The following KLF2 variants were observed in gnomAD, a reference collection of about 807,000 sequenced individuals.
The protein encoded by KLF2 is Krueppel-like factor 2.
A neutral mutation model predicts 22.2 loss-of-function variants in KLF2; 9 were observed. The observed-to-expected ratio is 0.40, with a 90% CI of 0.24 to 0.71. The LOEUF (loss-of-function observed/expected upper bound fraction) is 0.71, where lower values mean the gene tolerates loss of function less well. Ranked by LOEUF, KLF2 falls within the 30% of genes least tolerant of loss-of-function variation. KLF2 has a pLI of 0.35. For synonymous variants in KLF2, 299 were observed against 264.2 expected, an observed-to-expected ratio of 1.13 and a Z score of -1.28; for missense variants, 481 against 542.1, an observed-to-expected ratio of 0.89 and a Z score of 1.12.
chr19:16,328,685 C>T lies in KLF2; in HGVS notation c.*1654C>T, dbSNP rs1240405239. Among the ~76,000 whole-genome samples, 1 of 152,122 alleles carries T rather than the reference C, an allele frequency of 6.6e-6. No homozygotes were observed. The highest frequency in any genetic ancestry group is 1.5e-5 in the Non-Finnish European group (1 of 68,032). Reference sequence around the variant, plus strand: ...AGAGTAAATAGCCTGGCCTCACTTCCGCTGCTGATGAAGGGTGTGAATGTT... The same window carrying T: ...AGAGTAAATAGCCTGGCCTCACTTCTGCTGCTGATGAAGGGTGTGAATGTT... On this transcript the variant is annotated 3_prime_UTR_variant, in exon 3 of 3. Transcript: ENST00000248071.
intron 1 of KLF2, 70 bp downstream of exon 1, chr19:16,325,068 T>G: frequency 7.1e-7 from 1 of 1,406,636 alleles, no homozygotes. Flanking sequence ...GAACGTGGGC[T>G]GCGGGGTGAC....
Position 16,327,137 on chromosome 19 carries a change from C to G in KLF2, c.*106C>G, listed in dbSNP as rs1271795587. The G allele has an allele frequency of 2.6e-6, 3 of 1,136,454 alleles. No homozygotes were observed. In the African/African-American group the frequency reaches 4.8e-5, roughly 18 times the overall value. 70.4% of individuals were successfully genotyped at this position (1,136,454 alleles called of 1,614,324 possible). A position where few individuals can be genotyped will look rare whatever the true frequency, so the allele number is the denominator to read the frequency against. On this transcript the variant is annotated 3_prime_UTR_variant, in exon 3 of 3. Transcript: ENST00000248071. Reference sequence around the variant, plus strand: ...TATTTATTGGACCCAGAGAACCGGGCCGGGCACAGCGTGGCTACAGAGGGT... The same window carrying G: ...TATTTATTGGACCCAGAGAACCGGGGCGGGCACAGCGTGGCTACAGAGGGT...
chr19:16,325,824 C>T lies in KLF2; in HGVS notation c.684C>T (p.Ala228=), dbSNP rs368173304. The change falls in exon 2 of 3, where the codon GCC becomes GCT. Residue 228 remains alanine, a synonymous_variant. Transcript: ENST00000248071. The part of the protein sequence containing the change: ...AFGLFDDAAA[A]AAALGLAPPA... ...GTCTCTTCGACGACGCGGCCGCCGC[C>T]GCGGCAGCCCTGGGCCTGGCGCCCC... 3 of 1,356,676 alleles carry T rather than the reference C, an allele frequency of 2.2e-6. No homozygotes were observed. 84.0% of individuals were successfully genotyped at this position (1,356,676 alleles called of 1,614,324 possible).
In KLF2 at chr19:16,325,164, G is replaced by A. The variant is rs45595636; in HGVS notation, c.76-52G>A. On this transcript the variant is annotated intron_variant, in intron 1 of 2. Coordinates refer to ENST00000248071, the MANE Select transcript of KLF2 (RefSeq NM_016270.4). ...GACTTAGGGTGGTAAAAGGCAAGCA[G>A]CGCCCCCCGAGCCCCGCCGCCCGCT... 2,527 of 1,393,840 alleles carry A rather than the reference G, an allele frequency of 1.8e-3. 40 individuals carry two copies. The African/African-American group carries it at 0.034, about 19-fold the overall frequency. The allele number at this position is 1,393,840 out of a possible 1,614,324, so 86.3% of individuals were successfully genotyped here.
rs1304814861 is a variant in KLF2, at chr19:16,327,619, C to A, written c.*588C>A. The A allele has an allele frequency of 6.6e-6, 1 of 151,326 alleles. No homozygotes were observed. The highest frequency in any genetic ancestry group is 1.5e-5 in the Non-Finnish European group (1 of 67,892). 9.4% of individuals were successfully genotyped at this position (151,326 alleles called of 1,614,324 possible). On this transcript the variant is annotated 3_prime_UTR_variant, in exon 3 of 3. Transcript: ENST00000248071. ...AGCGGAGAGTTTGATGGAGGGCAGC[C>A]CCACTAAAGCATCGTGTGCAGTGGG...
Position 16,327,220 on chromosome 19 carries a change from GCCCGGTGGGAA to G in KLF2, c.*190_*200del. The G allele has an allele frequency of 1.9e-6, 1 of 540,508 alleles. No homozygotes were observed. The allele number at this position is 540,508 out of a possible 1,614,324, so 33.5% of individuals were successfully genotyped here. Reference sequence around the variant, plus strand: ...CCCCAGCCCCCGTCTGTGACTGAAGGCCCGGTGGGAAAAGACCACGATCCTCCTTGACGAGT... The same window carrying G: ...CCCCAGCCCCCGTCTGTGACTGAAGGAAGACCACGATCCTCCTTGACGAGT... On this transcript the variant is annotated 3_prime_UTR_variant, in exon 3 of 3. Coordinates refer to ENST00000248071, the MANE Select transcript of KLF2 (RefSeq NM_016270.4).
chr19:16,327,263 T>G lies in KLF2; in HGVS notation c.*232T>G. The G allele has an allele frequency of 6.7e-6, 3 of 448,156 alleles. No homozygotes were observed. Among genetic ancestry groups the G allele is most frequent in the East Asian group, 3.8e-5 (1 of 26,508 alleles). 27.8% of individuals were successfully genotyped at this position (448,156 alleles called of 1,614,324 possible). On this transcript the variant is annotated 3_prime_UTR_variant, in exon 3 of 3. Coordinates refer to ENST00000248071, the MANE Select transcript of KLF2 (RefSeq NM_016270.4). ...ACGATCCTCCTTGACGAGTTTTGTT[T>G]TTCAAAATGGTGCAATAATTTAAGT...
At chr19:16,326,718 A>G (rs2091891262) in intron 2 of KLF2, 138 bp from the exon 3 acceptor site, 1 of 829,752 alleles carries the variant, frequency 1.2e-6, no homozygotes, top group Admixed American at 2.7e-5. Context: ...ATGTAGGGCA[A>G]GGATCCCTCA....
chr19:16,325,368 C>A lies in KLF2; in HGVS notation c.228C>A (p.Pro76=), dbSNP rs2145196100. 11 of 1,436,400 alleles carry A rather than the reference C, an allele frequency of 7.7e-6. No individual in the cohort carries two copies. Among genetic ancestry groups the A allele is most frequent in the Non-Finnish European group, 9.9e-6 (11 of 1,106,118 alleles). 89.0% of individuals were successfully genotyped at this position (1,436,400 alleles called of 1,614,324 possible). ...PPPPPPAFYY[P]EPGAPPPYSA... ...CCCCGCCGCCTGCGTTCTATTACCC[C>A]GAACCCGGCGCGCCCCCGCCCTACA... Residue 76 remains proline (P), a synonymous_variant, in exon 2 of 3, where the codon CCC becomes CCA. Coordinates refer to ENST00000248071, the MANE Select transcript of KLF2 (RefSeq NM_016270.4).
At position 16,326,907 on chromosome 19, in the gene KLF2, G is replaced by A; in HGVS notation, c.944G>A (p.Arg315His). 6.2e-7 allele frequency: 1 copy of A among 1,613,024 alleles called. No homozygotes were observed. The highest frequency in any genetic ancestry group is 8.5e-7 in the Non-Finnish European group (1 of 1,179,946). The change falls in exon 3 of 3, where the codon CGC becomes CAC. Residue 315 changes from arginine (R) to histidine (H), a missense_variant. Around this residue, in one of 2 missense-constraint regions of KLF2, gnomAD observed 60 missense variants for 107.0 expected, o/e 0.56. Coordinates refer to ENST00000248071, the MANE Select transcript of KLF2 (RefSeq NM_016270.4). ...NWDGCGWKFA[R>H]SDELTRHYRK... ...GACGGCTGCGGCTGGAAGTTTGCGC[G>A]CTCAGACGAGCTCACGCGCCACTAC...
In KLF2 at chr19:16,325,321, G is replaced by T. The variant is rs750465917; in HGVS notation, c.181G>T (p.Ala61Ser). ...GCTGGATGGCCTGGGCGCCGAGGCCGCCCCGGAGCCGCCGCCGCCGCCCCC... is the reference window on the plus strand; with the variant it reads ...GCTGGATGGCCTGGGCGCCGAGGCCTCCCCGGAGCCGCCGCCGCCGCCCCC... ...MGLDGLGAEA[A>S]PEPPPPPPPP... Residue 61 changes from alanine to serine, a missense_variant, in exon 2 of 3, where the codon GCC becomes TCC. Physicochemically the swap from Ala to Ser is moderately conservative, Grantham distance 99 (BLOSUM62 1). Transcript: ENST00000248071. 6.1e-6 allele frequency: 9 copies of T among 1,482,138 alleles called. No homozygotes were observed. The highest frequency in any genetic ancestry group is 2.0e-4 in the Middle Eastern group (1 of 5,110). The allele number at this position is 1,482,138 out of a possible 1,614,324, so 91.8% of individuals were successfully genotyped here.
chr19:16,325,547 G>A lies in KLF2; in HGVS notation c.407G>A (p.Cys136Tyr). Residue 136 changes from cysteine to tyrosine, a missense_variant, in exon 2 of 3, where the codon TGC (cysteine) becomes TAC (tyrosine). Physicochemically the swap from Cys to Tyr is radical, Grantham distance 194. Transcript: ENST00000248071. ...PEADGGGGYG[C>Y]APGLTRGPRG... ...GCGGACGGCGGCGGCGGCTACGGCTGCGCCCCCGGGCTGACCCGTGGACCG... is the reference window on the plus strand; with the variant it reads ...GCGGACGGCGGCGGCGGCTACGGCTACGCCCCCGGGCTGACCCGTGGACCG... 1.6e-6 allele frequency: 2 copies of A among 1,241,580 alleles called. No individual in the cohort carries two copies. The highest frequency in any genetic ancestry group is 2.0e-6 in the Non-Finnish European group (2 of 993,546). The allele number at this position is 1,241,580 out of a possible 1,614,324, so 76.9% of individuals were successfully genotyped here. A position where few individuals can be genotyped will look rare whatever the true frequency, so the allele number is the denominator to read the frequency against.
chr19:16,325,303 G>A lies in KLF2; in HGVS notation c.163G>A (p.Gly55Ser). 1 of 1,504,308 alleles carries A rather than the reference G, an allele frequency of 6.6e-7. No individual in the cohort carries two copies. Among genetic ancestry groups the A allele is most frequent in the South Asian group, 1.2e-5 (1 of 80,020 alleles). The allele number at this position is 1,504,308 out of a possible 1,614,324, so 93.2% of individuals were successfully genotyped here. Residue 55 changes from glycine (G) to serine (S), a missense_variant, in exon 2 of 3, where the codon GGC (glycine) becomes AGC (serine). Coordinates refer to ENST00000248071, the MANE Select transcript of KLF2 (RefSeq NM_016270.4). ...CTTCATCCTGTCCATGGGGCTGGAT[G>A]GCCTGGGCGCCGAGGCCGCCCCGGA... ...LDFILSMGLD[G>S]LGAEAAPEPP...
chr19:16,325,716 C>T lies in KLF2; in HGVS notation c.576C>T (p.Ser192=), dbSNP rs2145196563. Residue 192 remains serine (S), a synonymous_variant, in exon 2 of 3, where the codon TCC becomes TCT. Transcript: ENST00000248071. ...ARLPAPGPRA[S]FPPPFGGPGF... is the part of the protein sequence containing the mutation. Reference sequence around the variant, plus strand: ...TGCCCGCGCCCGGTCCGCGCGCCTCCTTCCCGCCGCCTTTCGGTGGCCCTG... The same window carrying T: ...TGCCCGCGCCCGGTCCGCGCGCCTCTTTCCCGCCGCCTTTCGGTGGCCCTG... The T allele has an allele frequency of 3.4e-6, 4 of 1,190,438 alleles. No homozygotes were observed. Among genetic ancestry groups the T allele is most frequent in the East Asian group, 3.8e-5 (1 of 26,592 alleles). 73.7% of individuals were successfully genotyped at this position (1,190,438 alleles called of 1,614,324 possible).
In KLF2 at chr19:16,325,857, C is replaced by T. The variant is rs756979798; in HGVS notation, c.717C>T (p.Ala239=). The stretch of plus-strand genomic sequence containing the variant: ...CCCTGGGCCTGGCGCCCCCCGCCGC[C>T]CGCGGTCTCCTCACGCCGCCTGCGT... ...AAALGLAPPA[A]RGLLTPPASP... The change falls in exon 2 of 3, where the codon GCC becomes GCT. Residue 239 remains alanine (A), a synonymous_variant. Transcript: ENST00000248071. The T allele has an allele frequency of 2.1e-6, 3 of 1,425,026 alleles. No homozygotes were observed. Among genetic ancestry groups the T allele is most frequent in the South Asian group, 1.5e-5 (1 of 68,946 alleles). 88.3% of individuals were successfully genotyped at this position (1,425,026 alleles called of 1,614,324 possible).
rs1249511753 is a variant in KLF2, at chr19:16,325,809, C to G, written c.669C>G (p.Asp223Glu). 3.0e-6 allele frequency: 4 copies of G among 1,349,694 alleles called. No homozygotes were observed. Among genetic ancestry groups the G allele is most frequent in the Admixed American group, 3.9e-5 (1 of 25,796 alleles). The allele number at this position is 1,349,694 out of a possible 1,614,324, so 83.6% of individuals were successfully genotyped here. Residue 223 changes from aspartate (D) to glutamate (E), a missense_variant, in exon 2 of 3, where the codon GAC becomes GAG. Physicochemically the swap from Asp to Glu is conservative, Grantham distance 45 (BLOSUM62 2). This residue lies in a region of KLF2 where 421 missense variants were observed against 435.1 expected (regional missense o/e 0.97). Transcript: ENST00000248071. ...CGCCCCCAGCCTTCGGTCTCTTCGA[C>G]GACGCGGCCGCCGCCGCGGCAGCCC... The part of the protein sequence containing the change: ...PPAPPAFGLF[D>E]DAAAAAAALG...
At position 16,326,872 on chromosome 19, in the gene KLF2, C is replaced by T. The variant is rs988616027; in HGVS notation, c.909C>T (p.His303=). 1.7e-5 allele frequency: 28 copies of T among 1,612,018 alleles called. No individual in the cohort carries two copies. Among genetic ancestry groups the T allele is most frequent in the Non-Finnish European group, 2.3e-5 (27 of 1,179,572 alleles). The part of the protein sequence containing the change: ...LRTHTGEKPY[H]CNWDGCGWKF... ...TCCCTGCAGGTGAGAAGCCCTACCA[C>T]TGCAACTGGGACGGCTGCGGCTGGA... Residue 303 remains histidine, a synonymous_variant, in exon 3 of 3, where the codon CAC becomes CAT. Transcript: ENST00000248071.
At position 16,326,842 on chromosome 19, in the gene KLF2, C is replaced by T. The variant is rs1485996493; in HGVS notation, c.893-14C>T. On this transcript the variant is annotated splice_polypyrimidine_tract_variant and intron_variant, in intron 2 of 2. Transcript: ENST00000248071. ...GGAGGGGAACTGACGCTTACTCTCG[C>T]CCCCTCCCTGCAGGTGAGAAGCCCT... The T allele has an allele frequency of 1.9e-6, 3 of 1,602,958 alleles. No individual in the cohort carries two copies. In the African/African-American group the frequency reaches 4.0e-5, roughly 21 times the overall value.
Position 16,327,405 on chromosome 19 carries a change from A to T in KLF2, c.*374A>T, listed in dbSNP as rs1255066277. The T allele has an allele frequency of 5.5e-6, 1 of 181,554 alleles. No individual in the cohort carries two copies. Among genetic ancestry groups the T allele is most frequent in the Non-Finnish European group, 1.2e-5 (1 of 86,232 alleles). The allele number at this position is 181,554 out of a possible 1,614,324, so 11.2% of individuals were successfully genotyped here. A position where few individuals can be genotyped will look rare whatever the true frequency, so the allele number is the denominator to read the frequency against. ...ATTTTTTATAATATTGTATATAGTG[A>T]CTGACAAATATTGTATTACTGTACA... On this transcript the variant is annotated 3_prime_UTR_variant, in exon 3 of 3. Coordinates refer to ENST00000248071, the MANE Select transcript of KLF2 (RefSeq NM_016270.4).
Sources: gnomAD v4.1 joint callset for allele counts (sites outside exome capture counted in the v4.1 genomes callset) on GRCh38, gnomAD v4.1.1 for gene constraint, gnomAD v4.1.1 regional missense constraint, MANE v1.5 for transcripts, NCBI Gene and HGNC (gene_info 2026-07-23, HGNC 2026-07-21) for gene names.